Variants in PCDH15 observed in about 807,000 individuals in gnomAD.
PCDH15 encodes the protein protocadherin related 15.
A neutral mutation model predicts 178.5 loss-of-function variants in PCDH15; 129 were observed. That is an observed-to-expected ratio of 0.72 (90% CI 0.63 to 0.84). The LOEUF is 0.84. Ranked by LOEUF, PCDH15 falls within the 40% of genes least tolerant of loss-of-function variation. The pLI is 0.00. For synonymous variants in PCDH15, 800 were observed against 732.0 expected (o/e 1.09, Z -1.50); for missense variants, 2,230 against 2,099.9 (o/e 1.06, Z -1.21).
chr10:54,507,625 G>A (rs749730124), intron 3 of PCDH15, among the ~76,000 whole-genome samples: 4 of 151,778 alleles, frequency 2.6e-5, no homozygotes, highest in East Asian at 3.9e-4. Context: ...CACATCAAGC[G>A]GTAATGGTGG....
chr10:55,056,072 A>G (rs923714854), intron 2 of PCDH15, among the ~76,000 whole-genome samples: 3 of 152,108 alleles, frequency 2.0e-5, no homozygotes, highest in African/African-American at 7.2e-5. Flanking sequence ...ACCCTCCTAA[A>G]TGCTTCTACT....
chr10:54,846,675 G>C (rs1307572208), intron 3 of PCDH15, among the ~76,000 whole-genome samples: 1 of 152,052 alleles, frequency 6.6e-6, no homozygotes, highest in Non-Finnish European at 1.5e-5. Context: ...AAGGAGAGCT[G>C]TGCAAGGATA....
intron 27 of PCDH15, among the ~76,000 whole-genome samples, chr10:53,861,135 C>T (rs1421453091): frequency 1.3e-5 from 2 of 152,080 alleles, no homozygotes; most frequent in Admixed American, 1.3e-4. Flanking sequence ...GTTTTATCAT[C>T]TATAACAAGG....
At chr10:55,004,077 C>A (rs1016101707) in intron 2 of PCDH15, among the ~76,000 whole-genome samples, 2 of 152,088 alleles carry the variant, frequency 1.3e-5, no homozygotes, top group African/African-American at 2.4e-5. Flanking sequence ...GTAATCAGGC[C>A]AAGTGTAATG....
At chr10:54,100,014 T>C (rs1182686436) in intron 15 of PCDH15, among the ~76,000 whole-genome samples, 1 of 152,172 alleles carries the variant, frequency 6.6e-6, no homozygotes, top group East Asian at 1.9e-4. Flanking sequence ...ATGTAGTAGA[T>C]ATAGAATCAG....
In PCDH15 at chr10:54,754,901, T is replaced by C. The variant is rs1264695550; in HGVS notation, c.-29+46024A>G. 2.1e-4 allele frequency among the ~76,000 whole-genome samples: 8 copies of C among 38,818 alleles called. No homozygotes were observed. The South Asian group carries it at 4.6e-3, about 22-fold the overall frequency. The allele number at this position is 38,818 out of a possible 152,430, so 25.5% of individuals were successfully genotyped here. On this transcript the variant is annotated intron_variant, in intron 1 of 37. Coordinates refer to ENST00000644397, the MANE Select transcript of PCDH15 (RefSeq NM_001384140.1). The stretch of plus-strand genomic sequence containing the variant: ...ATTCTAAGTAGATAGTAGATTAAGA[T>C]AATTTATTTGCCATGTTTTTCACAC...
chr10:54,383,625 G>GTT (rs35045750), intron 3 of PCDH15, among the ~76,000 whole-genome samples: 1 of 37,098 alleles, frequency 2.7e-5, no homozygotes, highest in African/African-American at 5.6e-5. Context: ...GTGTATGTGT[G>GTT]TTTTTGTGTG....
chr10:55,461,620 T>C (rs1376178741), intron 2 of PCDH15, among the ~76,000 whole-genome samples: 1 of 152,116 alleles, frequency 6.6e-6, no homozygotes, highest in Non-Finnish European at 1.5e-5. Context: ...CAGGTATCTT[T>C]GATTCAAAAA....
chr10:54,265,420 A>T (rs974595594), intron 8 of PCDH15, among the ~76,000 whole-genome samples: 1 of 152,034 alleles, frequency 6.6e-6, no homozygotes, highest in African/African-American at 2.4e-5. Flanking sequence ...TCACATATAA[A>T]AGTTAACCTT....
At chr10:55,549,626 G>T (rs1841964414) in intron 2 of PCDH15, among the ~76,000 whole-genome samples, 2 of 152,068 alleles carry the variant, frequency 1.3e-5, no homozygotes, top group African/African-American at 4.8e-5. Context: ...ATTTTCCTTT[G>T]CCTTTCAATT....
chr10:53,934,511 T>A (rs2085384366), intron 25 of PCDH15, among the ~76,000 whole-genome samples: 1 of 151,330 alleles, frequency 6.6e-6, no homozygotes, highest in Non-Finnish European at 1.5e-5. Flanking sequence ...GGCAGGAGAA[T>A]GGTGTGAACC....
intron 2 of PCDH15, among the ~76,000 whole-genome samples, chr10:54,634,120 T>G (rs2093778742): frequency 6.6e-6 from 1 of 151,926 alleles, no homozygotes; most frequent in African/African-American, 2.4e-5. Flanking sequence ...GCAACCTTGA[T>G]TCTTACCAAA....
chr10:54,702,543 C>CAAAAAAAAAA (rs375110960), intron 1 of PCDH15, among the ~76,000 whole-genome samples: 1 of 125,682 alleles, frequency 8.0e-6, no homozygotes, highest in Non-Finnish European at 1.6e-5. Flanking sequence ...CACAGAAATA[C>CAAAAAAAAAA]AAAAAAAAAA....
chr10:55,605,614 T>A (rs1843197985), intron 2 of PCDH15, among the ~76,000 whole-genome samples: 2 of 148,320 alleles, frequency 1.3e-5, no homozygotes, highest in Admixed American at 1.4e-4. Context: ...ATAAATGTAA[T>A]CCAGCATATA....
intron 2 of PCDH15, among the ~76,000 whole-genome samples, chr10:54,977,074 C>T (rs1351406580): frequency 1.3e-5 from 2 of 152,150 alleles, no homozygotes; most frequent in African/African-American, 2.4e-5. Context: ...ACTTGCACAA[C>T]TGCTTTAAGA....
intron 2 of PCDH15, among the ~76,000 whole-genome samples, chr10:55,424,028 A>G (rs961532427): frequency 6.6e-6 from 1 of 152,114 alleles, no homozygotes; most frequent in Non-Finnish European, 1.5e-5. Flanking sequence ...AGAAGGTCTA[A>G]TATCTCAAAC....
At chr10:54,308,806 C>T (rs1048204860) in intron 8 of PCDH15, among the ~76,000 whole-genome samples, 7 of 151,810 alleles carry the variant, frequency 4.6e-5, no homozygotes, top group African/African-American at 1.2e-4. Flanking sequence ...CAGACAGGCC[C>T]CCATGTCACA....
intron 2 of PCDH15, among the ~76,000 whole-genome samples, chr10:54,583,530 T>C (rs141661005): frequency 4.6e-5 from 7 of 152,168 alleles, no homozygotes; most frequent in African/African-American, 1.4e-4. Flanking sequence ...AATGGGCAAA[T>C]GCTTTTATTT....
chr10:54,592,728 A>T (rs940613194), intron 2 of PCDH15, among the ~76,000 whole-genome samples: 1 of 152,162 alleles, frequency 6.6e-6, no homozygotes, highest in African/African-American at 2.4e-5. Flanking sequence ...TTGCTGAAGC[A>T]TTTGGTAGTT....
Sources: gnomAD v4.1 joint callset for allele counts (sites outside exome capture counted in the v4.1 genomes callset) on GRCh38, gnomAD v4.1.1 for gene constraint, MANE v1.5 for transcripts, NCBI Gene and HGNC (gene_info 2026-07-23, HGNC 2026-07-21) for gene names.